The following ZNF48 variants were observed in gnomAD, a reference collection of about 807,000 sequenced individuals.
ZNF48 encodes zinc finger protein 48, also known as zinc finger protein 553.
ZNF48 carries 20 observed loss-of-function variants against 40.0 expected under a neutral mutation model. The observed-to-expected ratio is 0.50, with a 90% CI of 0.35 to 0.73. ZNF48 has a LOEUF of 0.73. ZNF48 is among the 30% of genes least tolerant of loss of function. The probability of loss-of-function intolerance (pLI) is 0.01; values close to 1 mark genes in which losing one functional copy is unlikely to be tolerated. For missense variants in ZNF48, 726 were observed against 851.9 expected (o/e 0.85, Z 1.84); for synonymous variants, 298 against 329.7 (o/e 0.90, Z 1.04).
intron 1 of ZNF48, chr16:30,379,957 A>T (rs1320794358): frequency 1.3e-6 from 2 of 1,591,080 alleles, no homozygotes; most frequent in Non-Finnish European, 1.7e-6. Flanking sequence ...CTGCCTCTTG[A>T]AGTCTTCATC....
intron 1 of ZNF48, chr16:30,380,180 A>C (rs776012035): frequency 1.8e-6 from 1 of 544,654 alleles, no homozygotes; most frequent in Non-Finnish European, 3.1e-6. Flanking sequence ...ATGGACATAC[A>C]GGAAGACAAA....
chr16:30,385,912 G>C (rs2049897322), intron 1 of ZNF48, among the ~76,000 whole-genome samples: 1 of 151,940 alleles, frequency 6.6e-6, no homozygotes, highest in South Asian at 2.1e-4. Flanking sequence ...GATTGCTTGA[G>C]GCTAGGAGTT....
Position 30,381,331 on chromosome 16 carries a change from C to T in ZNF48, c.-16+2921C>T. 3 of 1,613,386 alleles carry T rather than the reference C, an allele frequency of 1.9e-6. No individual in the cohort carries two copies. Among genetic ancestry groups the T allele is most frequent in the Middle Eastern group, 1.7e-4 (1 of 6,058 alleles). ...AATGCGCCAGCCCCCAGGATCCCCC[C>T]ACCAGACCCCCGGCCGAAGGGTGAG... On this transcript the variant is annotated intron_variant, in intron 1 of 2. Transcript: ENST00000528032. This position sits in a 1 kb window ranked among gnomAD's most constrained non-coding sequence, Gnocchi z 4.3.
Position 30,398,566 on chromosome 16 carries a change from G to T in ZNF48, c.1316G>T (p.Gly439Val). 2 of 1,611,348 alleles carry T rather than the reference G, an allele frequency of 1.2e-6. No individual in the cohort carries two copies. Among genetic ancestry groups the T allele is most frequent in the Non-Finnish European group, 1.7e-6 (2 of 1,179,332 alleles). ...LEPEPGGPQA[G>V]EPPPPLAGDK... ...CCAGAGCCTGGGGGCCCACAGGCTG[G>T]GGAGCCACCCCCACCACTGGCGGGC... The change falls in exon 3 of 3, where the codon GGG becomes GTG. Residue 439 changes from glycine to valine, a missense_variant. By Grantham distance (109) the Gly-to-Val change is moderately radical. Coordinates refer to ENST00000613509, the MANE Select transcript of ZNF48 (RefSeq NM_001214909.2). The surrounding 1 kb of genome is among the most constrained non-coding windows in gnomAD (Gnocchi z 6.6).
rs1173513066 is a variant in ZNF48 at position 30,397,405 on chromosome 16, A to G, written c.155A>G (p.Lys52Arg). The change falls in exon 3 of 3, where the codon AAG becomes AGG. Residue 52 changes from lysine to arginine, a missense_variant. Physicochemically the swap from Lys to Arg is conservative, Grantham distance 26. Around this residue, in one of 5 missense-constraint regions of ZNF48, gnomAD observed 151 missense variants for 162.3 expected, o/e 0.93. Coordinates refer to ENST00000613509, the MANE Select transcript of ZNF48 (RefSeq NM_001214909.2). This position sits in a 1 kb window ranked among gnomAD's most constrained non-coding sequence, Gnocchi z 4.1. ...HTPQEDDLGFKEEDLAPDHEV... is the reference protein window; with the variant it reads ...HTPQEDDLGFREEDLAPDHEV... Reference sequence around the variant, plus strand: ...CCACAGGAAGATGACTTGGGGTTCAAGGAAGAAGATTTGGCTCCAGATCAT... The same window carrying G: ...CCACAGGAAGATGACTTGGGGTTCAGGGAAGAAGATTTGGCTCCAGATCAT... 17 of 1,614,018 alleles carry G rather than the reference A, an allele frequency of 1.1e-5. No individual in the cohort carries two copies. Among genetic ancestry groups the G allele is most frequent in the Non-Finnish European group, 1.4e-5 (17 of 1,180,036 alleles).
intron 1 of ZNF48, among the ~76,000 whole-genome samples, chr16:30,385,044 C>T (rs1291145411): frequency 1.3e-5 from 2 of 152,018 alleles, no homozygotes; most frequent in Non-Finnish European, 2.9e-5. Context: ...GGCGTGATGG[C>T]GCATGCCTGT....
In ZNF48 at chr16:30,398,216, G is replaced by A; in HGVS notation, c.966G>A (p.Leu322=). 1 of 1,613,830 alleles carries A rather than the reference G, an allele frequency of 6.2e-7. No homozygotes were observed. The highest frequency in any genetic ancestry group is 2.2e-5 in the East Asian group (1 of 44,882). ...GGGGATCCGACCTGGTGAAGCACCT[G>A]CGGGTGCACACGGGTGAGAAGCCCT... is the stretch of plus-strand genomic sequence containing the variant. ...FARGSDLVKH[L]RVHTGEKPYL... Residue 322 remains leucine, a synonymous_variant, in exon 3 of 3, where the codon CTG becomes CTA. Transcript: ENST00000613509. This position sits in a 1 kb window ranked among gnomAD's most constrained non-coding sequence, Gnocchi z 6.6.
Position 30,381,590 on chromosome 16 carries a change from G to A in ZNF48, c.-16+3180G>A, listed in dbSNP as rs1381354139. ...CTTTGGCTCCCTCCAAAGACATTAA[G>A]GGGAACTGGTGGGGGCCTAGGTGAG... On this transcript the variant is annotated intron_variant, in intron 1 of 2. Coordinates refer to the ZNF48 transcript ENST00000528032. The surrounding 1 kb of genome is among the most constrained non-coding windows in gnomAD (Gnocchi z 4.3). 2.0e-6 allele frequency: 3 copies of A among 1,484,090 alleles called. No homozygotes were observed. Among genetic ancestry groups the A allele is most frequent in the African/African-American group, 2.8e-5 (2 of 72,182 alleles). The allele number at this position is 1,484,090 out of a possible 1,614,324, so 91.9% of individuals were successfully genotyped here. A position where few individuals can be genotyped will look rare whatever the true frequency, so the allele number is the denominator to read the frequency against.
Position 30,395,425 on chromosome 16 carries a change from C to T in ZNF48, c.-169C>T. On this transcript the variant is annotated 5_prime_UTR_variant, in exon 1 of 3. Coordinates refer to ENST00000613509, the MANE Select transcript of ZNF48 (RefSeq NM_001214909.2). The surrounding 1 kb of genome is among the most constrained non-coding windows in gnomAD (Gnocchi z 5.9). Reference sequence around the variant, plus strand: ...CCCGCGCTTCCGCTTCCCGTCCCCGCCCCCGGTGGCCGCCCCCGGGACGCC... The same window carrying T: ...CCCGCGCTTCCGCTTCCCGTCCCCGTCCCCGGTGGCCGCCCCCGGGACGCC... 2.8e-6 allele frequency: 1 copy of T among 357,136 alleles called. No homozygotes were observed. Among genetic ancestry groups the T allele is most frequent in the Non-Finnish European group, 5.5e-6 (1 of 181,890 alleles). The allele number at this position is 357,136 out of a possible 1,614,324, so 22.1% of individuals were successfully genotyped here.
intron 1 of ZNF48, chr16:30,380,941 G>T (rs1045076558): frequency 1.5e-6 from 1 of 653,264 alleles, no homozygotes; most frequent in Non-Finnish European, 2.8e-6. Flanking sequence ...TGCATATGTA[G>T]CCTATTTTGA....
upstream of ZNF48, chr16:30,395,176 T>A (rs868867524): frequency 2.3e-6 from 1 of 444,188 alleles, no homozygotes; most frequent in Non-Finnish European, 4.5e-6. The surrounding 1 kb of genome is among the most constrained non-coding windows in gnomAD (Gnocchi z 5.9). Flanking sequence ...TCGGCGCGGG[T>A]GGCTGGAGAC....
rs776950170 is a variant in ZNF48 at position 30,381,321 on chromosome 16, AGGATCCCCCCACCAGACCCCCG to A, written c.-16+2913_-16+2934del. ...GCCCTCCCTAAATGCGCCAGCCCCC[AGGATCCCCCCACCAGACCCCCG>A]GCCGAAGGGTGAGATGAAGTAGAGG... is the stretch of plus-strand genomic sequence containing the variant. On this transcript the variant is annotated intron_variant, in intron 1 of 2. Coordinates refer to the ZNF48 transcript ENST00000528032. The surrounding 1 kb of genome is among the most constrained non-coding windows in gnomAD (Gnocchi z 4.3). The A allele has an allele frequency of 9.2e-7, 1 of 1,084,032 alleles. No homozygotes were observed. The highest frequency in any genetic ancestry group is 3.1e-5 in the East Asian group (1 of 32,218). The allele number at this position is 1,084,032 out of a possible 1,614,324, so 67.2% of individuals were successfully genotyped here. A position where few individuals can be genotyped will look rare whatever the true frequency, so the allele number is the denominator to read the frequency against.
chr16:30,393,338 A>C (rs1394481694), upstream of ZNF48, among the ~76,000 whole-genome samples: 1 of 151,588 alleles, frequency 6.6e-6, no homozygotes, highest in Non-Finnish European at 1.5e-5. Context: ...TGGCTCCCAA[A>C]GGGCTGGGAT....
rs2050033693 is a variant in ZNF48 at position 30,399,775 on chromosome 16, G to A, written c.*668G>A. 1 of 152,442 alleles carries A rather than the reference G, an allele frequency of 6.6e-6. No homozygotes were observed. 9.4% of individuals were successfully genotyped at this position (152,442 alleles called of 1,614,324 possible). A position where few individuals can be genotyped will look rare whatever the true frequency, so the allele number is the denominator to read the frequency against. On this transcript the variant is annotated 3_prime_UTR_variant, in exon 3 of 3. Transcript: ENST00000613509. ...AGCCCAGACCTTTGTGCCCTGGAGG[G>A]AGCCAACCCACCCTGACACGGAGAC...
Position 30,382,665 on chromosome 16 carries a change from G to GAAGGCC in ZNF48, c.-16+4265_-16+4270dup. The GAAGGCC allele has an allele frequency of 6.5e-7, 1 of 1,534,016 alleles. No individual in the cohort carries two copies. The highest frequency in any genetic ancestry group is 8.8e-7 in the Non-Finnish European group (1 of 1,141,530). ...ACTGGCCCAGTCCCAGAGAGGTGGGGAAGGCCAAGGCCAAGAACACTTGGG... is the reference window on the plus strand; with the variant it reads ...ACTGGCCCAGTCCCAGAGAGGTGGGGAAGGCCAAGGCCAAGGCCAAGAACACTTGGG... On this transcript the variant is annotated intron_variant, in intron 1 of 2. Transcript: ENST00000528032. The surrounding 1 kb of genome is among the most constrained non-coding windows in gnomAD (Gnocchi z 4.8).
At position 30,399,227 on chromosome 16, in the gene ZNF48, A is replaced by C. The variant is rs2050028317; in HGVS notation, c.*120A>C. The C allele has an allele frequency of 1.0e-6, 1 of 955,936 alleles. No homozygotes were observed. Among genetic ancestry groups the C allele is most frequent in the Admixed American group, 2.9e-5 (1 of 34,264 alleles). 59.2% of individuals were successfully genotyped at this position (955,936 alleles called of 1,614,324 possible). A position where few individuals can be genotyped will look rare whatever the true frequency, so the allele number is the denominator to read the frequency against. On this transcript the variant is annotated 3_prime_UTR_variant, in exon 3 of 3. Coordinates refer to ENST00000613509, the MANE Select transcript of ZNF48 (RefSeq NM_001214909.2). ...AGGAAGGGAAGAAAGGGGAGGAAGA[A>C]TAGATAGAAATAGGGATTGGAGACA... is the stretch of plus-strand genomic sequence containing the variant.
intron 1 of ZNF48, chr16:30,379,342 C>A: frequency 7.0e-7 from 1 of 1,426,330 alleles, no homozygotes; most frequent in East Asian, 2.3e-5. Flanking sequence ...CCCCTGGGAC[C>A]AAAGCCCACC....
intron 1 of ZNF48, chr16:30,380,921 G>T: frequency 3.3e-6 from 2 of 611,008 alleles, no homozygotes; most frequent in East Asian, 2.7e-5. Context: ...CAGGCATCTA[G>T]CCCGGGGGCT....
upstream of ZNF48, among the ~76,000 whole-genome samples, chr16:30,392,983 C>G (rs1212327687): frequency 6.6e-6 from 1 of 152,114 alleles, no homozygotes; most frequent in Non-Finnish European, 1.5e-5. Flanking sequence ...TCTGTCAGTG[C>G]TAACATCCAT....
Sources: allele counts gnomAD v4.1 joint callset (sites outside exome capture counted in the v4.1 genomes callset), GRCh38; gene constraint gnomAD v4.1.1; regional missense constraint gnomAD v4.1.1; non-coding constraint Gnocchi (gnomAD v3.1); transcripts MANE v1.5; gene names NCBI Gene and HGNC (gene_info 2026-07-23, HGNC 2026-07-21).